Variants in PLA2G4C observed in about 807,000 individuals in gnomAD.
The protein encoded by PLA2G4C is phospholipase A2 group IVC, also known as cytosolic phospholipase A2 gamma.
A neutral mutation model predicts 73.8 loss-of-function variants in PLA2G4C; 64 were observed. The ratio of observed to expected loss-of-function variants is 0.87; its 90% CI spans 0.71 to 1.07. PLA2G4C has a LOEUF of 1.07. Ranked by LOEUF, PLA2G4C falls within the 50% of genes least tolerant of loss-of-function variation. PLA2G4C has a pLI of 0.00. For missense variants in PLA2G4C, 622 were observed against 665.4 expected (o/e 0.93, Z 0.72); for synonymous variants, 254 against 252.1 (o/e 1.01, Z -0.07).
At chr19:48,099,938 G>A in intron 4 of PLA2G4C, 78 bp from the exon 5 acceptor site, 1 of 983,348 alleles carries the variant, frequency 1.0e-6, no homozygotes, top group South Asian at 1.6e-5. Flanking sequence ...TGTGCAAGGA[G>A]GTCCTTCACA....
At position 48,098,066 on chromosome 19, in the gene PLA2G4C, GAAA is replaced by G. The variant is rs780305525; in HGVS notation, c.568+70_568+72del. The G allele has an allele frequency of 3.3e-6, 5 of 1,524,536 alleles. No homozygotes were observed. In the African/African-American group the frequency reaches 6.9e-5, roughly 21 times the overall value. The allele number at this position is 1,524,536 out of a possible 1,614,324, so 94.4% of individuals were successfully genotyped here. A position where few individuals can be genotyped will look rare whatever the true frequency, so the allele number is the denominator to read the frequency against. On this transcript the variant is annotated intron_variant, in intron 6 of 16. Coordinates refer to ENST00000599921, the MANE Select transcript of PLA2G4C (RefSeq NM_003706.3). The stretch of plus-strand genomic sequence containing the variant: ...CTGGGCTCCCCAAGGGGAGGGCAGG[GAAA>G]CATTCTTCCATTCCACTCCGTGCTG...
intron 7 of PLA2G4C, among the ~76,000 whole-genome samples, chr19:48,094,848 G>T (rs956363085): frequency 6.6e-6 from 1 of 151,974 alleles, no homozygotes; most frequent in Admixed American, 6.6e-5. Context: ...TGCTTTGCTG[G>T]TGCCCAAAAC....
At position 48,064,343 on chromosome 19, in the gene PLA2G4C, C is replaced by T. The variant is rs556450171; in HGVS notation, c.1103-2191G>A. On this transcript the variant is annotated intron_variant, in intron 13 of 16. Transcript: ENST00000599921. ...ACTCGGGAGGCTGAGGCAGGAGAAT[C>T]GCTTGAACCCGGGAGGCGGAGGTTG... Among the ~76,000 whole-genome samples the T allele has an allele frequency of 1.2e-3, 181 of 151,420 alleles. 2 individuals carry two copies. The highest frequency in any genetic ancestry group is 3.7e-3 in the African/African-American group (154 of 41,260).
chr19:48,058,666 A>C (rs1405083971), intron 14 of PLA2G4C, among the ~76,000 whole-genome samples: 4 of 151,844 alleles, frequency 2.6e-5, no homozygotes, highest in Non-Finnish European at 5.9e-5. Context: ...AAAAATACAG[A>C]AATTAGCCGG....
intron 15 of PLA2G4C, among the ~76,000 whole-genome samples, chr19:48,053,651 G>A (rs1967816249): frequency 6.7e-6 from 1 of 148,158 alleles, no homozygotes; most frequent in Admixed American, 6.7e-5. Flanking sequence ...GGGATTACAG[G>A]CGTGAGCCAC....
intron 5 of PLA2G4C, among the ~76,000 whole-genome samples, chr19:48,098,569 C>CGCCTCA (rs1568450510): frequency 6.6e-6 from 1 of 151,548 alleles, no homozygotes; most frequent in African/African-American, 2.4e-5. Flanking sequence ...GCAATCCTCC[C>CGCCTCA]GCCTCAGCCA....
intron 1 of PLA2G4C, among the ~76,000 whole-genome samples, chr19:48,109,841 G>C (rs1310216418): frequency 6.6e-6 from 1 of 151,664 alleles, no homozygotes; most frequent in African/African-American, 2.4e-5. Context: ...AGTTGAGACG[G>C]GGTTTCACTG....
chr19:48,095,317 C>T (rs3745740), intron 7 of PLA2G4C, 147 bp downstream of exon 7: 31,698 of 723,614 alleles, frequency 0.044, 2,523 homozygotes, highest in East Asian at 0.27. Context: ...AGAAGGAATA[C>T]ACCATTCCTC....
chr19:48,086,288 G>A lies in PLA2G4C; in HGVS notation c.791-1176C>T, dbSNP rs11564581. Among the ~76,000 whole-genome samples, 8 of 152,164 alleles carry A rather than the reference G, an allele frequency of 5.3e-5. No homozygotes were observed. In the East Asian group the frequency reaches 1.2e-3, roughly 22 times the overall value. Reference sequence around the variant, plus strand: ...CCACTGCCAGTGGAACAGGGTGGGAGGGGATCTGCCTCGCCAAGTGTGTGG... The same window carrying A: ...CCACTGCCAGTGGAACAGGGTGGGAAGGGATCTGCCTCGCCAAGTGTGTGG... On this transcript the variant is annotated intron_variant, in intron 9 of 16. Transcript: ENST00000599921.
At position 48,048,307 on chromosome 19, in the gene PLA2G4C, C is replaced by A. The variant is rs772248895; in HGVS notation, c.*36G>T. 1 of 1,564,518 alleles carries A rather than the reference C, an allele frequency of 6.4e-7. No homozygotes were observed. Among genetic ancestry groups the A allele is most frequent in the East Asian group, 2.3e-5 (1 of 43,384 alleles). On this transcript the variant is annotated 3_prime_UTR_variant, in exon 17 of 17. Transcript: ENST00000599921. Reference sequence around the variant, plus strand: ...GGTGGACATCAGGGCCCTAGTAGACCAACAGGCCCACAGTGCCCTGGAAGC... The same window carrying A: ...GGTGGACATCAGGGCCCTAGTAGACAAACAGGCCCACAGTGCCCTGGAAGC...
chr19:48,082,496 C>CTTTTTTTTTTTTTTTTTTT (rs66641645), intron 10 of PLA2G4C, among the ~76,000 whole-genome samples: 97 of 106,266 alleles, frequency 9.1e-4, no homozygotes, highest in Non-Finnish European at 1.2e-3. Context: ...TTCTTTCTTT[C>CTTTTTTTTTTTTTTTTTTT]TTTTTTTTTT....
At position 48,048,314 on chromosome 19, in the gene PLA2G4C, C is replaced by A; in HGVS notation, c.*29G>T. On this transcript the variant is annotated 3_prime_UTR_variant, in exon 17 of 17. Transcript: ENST00000599921. ...ATCAGGGCCCTAGTAGACCAACAGG[C>A]CCACAGTGCCCTGGAAGCTGAGGCT... 1 of 1,583,108 alleles carries A rather than the reference C, an allele frequency of 6.3e-7. No individual in the cohort carries two copies. The highest frequency in any genetic ancestry group is 8.6e-7 in the Non-Finnish European group (1 of 1,162,596).
chr19:48,081,096 C>T (rs755325381), intron 10 of PLA2G4C, among the ~76,000 whole-genome samples: 6 of 148,800 alleles, frequency 4.0e-5, no homozygotes, highest in Non-Finnish European at 7.4e-5. Flanking sequence ...ACCTGGGAGG[C>T]GGAGCTTGCG....
At chr19:48,105,842 C>T (rs1225006984) in intron 2 of PLA2G4C, among the ~76,000 whole-genome samples, 1 of 59,704 alleles carries the variant, frequency 1.7e-5, no homozygotes, top group African/African-American at 6.2e-5. Context: ...TCCCTCCCTT[C>T]CTTCCATCCT....
chr19:48,097,344 C>T (rs2031645994), intron 6 of PLA2G4C, among the ~76,000 whole-genome samples: 1 of 147,252 alleles, frequency 6.8e-6, no homozygotes, highest in Non-Finnish European at 1.5e-5. Flanking sequence ...CCTCCGCCTC[C>T]CGGGTTCACG....
intron 13 of PLA2G4C, among the ~76,000 whole-genome samples, chr19:48,062,601 CTCTA>C (rs1390861456): frequency 6.6e-6 from 1 of 152,134 alleles, no homozygotes; most frequent in Non-Finnish European, 1.5e-5. Flanking sequence ...CAGAGCGAGA[CTCTA>C]TCTCAAATAA....
At position 48,097,495 on chromosome 19, in the gene PLA2G4C, A is replaced by G. The variant is rs887151236; in HGVS notation, c.568+644T>C. ...TCTTGATCTCCTGACCTCGTGATCCACCCGCCTCGGCCTCCCAAAGTCCTG... is the reference window on the plus strand; with the variant it reads ...TCTTGATCTCCTGACCTCGTGATCCGCCCGCCTCGGCCTCCCAAAGTCCTG... On this transcript the variant is annotated intron_variant, in intron 6 of 16. Transcript: ENST00000599921. Among the ~76,000 whole-genome samples, 14 of 151,120 alleles carry G rather than the reference A, an allele frequency of 9.3e-5. No homozygotes were observed. The East Asian group carries it at 1.2e-3, about 13-fold the overall frequency.
At chr19:48,065,566 G>A (rs1374935732) in intron 13 of PLA2G4C, among the ~76,000 whole-genome samples, 1 of 151,020 alleles carries the variant, frequency 6.6e-6, no homozygotes, top group African/African-American at 2.4e-5. Context: ...CTGCAGCCTG[G>A]GTGACAGAGC....
rs773927516 is a variant in PLA2G4C at position 48,067,822 on chromosome 19, C to T, written c.1071G>A (p.Trp357Ter). The T allele has an allele frequency of 1.4e-5, 22 of 1,612,370 alleles. No homozygotes were observed. The highest frequency in any genetic ancestry group is 1.6e-4 in the Middle Eastern group (1 of 6,078). Residue 357 changes from tryptophan (W) to a stop codon, truncating the protein, a stop_gained, in exon 13 of 17, where the codon TGG becomes TGA. Coordinates refer to ENST00000599921, the MANE Select transcript of PLA2G4C (RefSeq NM_003706.3). LOFTEE classifies it high-confidence loss of function. ...KTGICASKWE[W>*]GTTHNFLYKH... Reference sequence around the variant, plus strand: ...TGTACAGGAAGTTGTGAGTGGTCCCCCATTCCCACTTTGAAGCGCAAATGC... The same window carrying T: ...TGTACAGGAAGTTGTGAGTGGTCCCTCATTCCCACTTTGAAGCGCAAATGC...
Sources: allele counts gnomAD v4.1 joint callset (sites outside exome capture counted in the v4.1 genomes callset), GRCh38; gene constraint gnomAD v4.1.1; transcripts MANE v1.5; gene names NCBI Gene and HGNC (gene_info 2026-07-23, HGNC 2026-07-21).